EPHB1: variants seen among roughly 807,000 people sequenced by gnomAD.
EPHB1 encodes EPH receptor B1, also known as ephrin type-B receptor 1.
EPHB1 carries 30 observed loss-of-function variants against 94.4 expected under a neutral mutation model. The ratio of observed to expected loss-of-function variants is 0.32; its 90% CI spans 0.24 to 0.43. EPHB1 has a LOEUF of 0.43. Ranked by LOEUF, EPHB1 falls within the 20% of genes least tolerant of loss-of-function variation. The pLI is 1.00. For missense variants in EPHB1, 1,055 were observed against 1,308.3 expected (o/e 0.81, Z 2.99); for synonymous variants, 522 against 489.1 (o/e 1.07, Z -0.89).
chr3:135,100,486 A>G (rs1295308093), intron 3 of EPHB1, among the ~76,000 whole-genome samples: 1 of 152,178 alleles, frequency 6.6e-6, no homozygotes, highest in Non-Finnish European at 1.5e-5. Context: ...AAAAGTGGTT[A>G]TTCCCTCTTG....
intron 1 of EPHB1, among the ~76,000 whole-genome samples, chr3:134,860,062 A>G (rs2037214452): frequency 1.3e-5 from 2 of 152,040 alleles, no homozygotes; most frequent in Non-Finnish European, 2.9e-5. Flanking sequence ...TTTGATAAAC[A>G]CTGAAGATTG....
intron 3 of EPHB1, among the ~76,000 whole-genome samples, chr3:135,041,599 A>G (rs1936845646): frequency 6.6e-6 from 1 of 152,224 alleles, no homozygotes; most frequent in South Asian, 2.1e-4. Flanking sequence ...TTGAGACCCC[A>G]AATAGGATAG....
chr3:135,173,314 G>A (rs975481084), intron 9 of EPHB1, among the ~76,000 whole-genome samples: 9 of 152,174 alleles, frequency 5.9e-5, no homozygotes, highest in South Asian at 2.1e-4. Context: ...GATTACAGGC[G>A]TGAGCCACCG....
intron 1 of EPHB1, among the ~76,000 whole-genome samples, chr3:134,903,149 A>C (rs930186150): frequency 6.6e-6 from 1 of 152,220 alleles, no homozygotes; most frequent in African/African-American, 2.4e-5. Flanking sequence ...TTGATGTATT[A>C]AAAATAAATA....
chr3:135,090,792 A>G (rs1938523843), intron 3 of EPHB1, among the ~76,000 whole-genome samples: 2 of 152,216 alleles, frequency 1.3e-5, no homozygotes, highest in Non-Finnish European at 2.9e-5. Context: ...TAGGCTGAGA[A>G]TTTCAGCCTC....
At chr3:135,056,753 C>T (rs930420365) in intron 3 of EPHB1, among the ~76,000 whole-genome samples, 2 of 152,194 alleles carry the variant, frequency 1.3e-5, no homozygotes, top group African/African-American at 2.4e-5. Context: ...TTGGAGCCCT[C>T]GCAGACGAGA....
At chr3:135,251,218 C>CAAAT (rs1697229357) in intron 15 of EPHB1, among the ~76,000 whole-genome samples, 1 of 152,120 alleles carries the variant, frequency 6.6e-6, no homozygotes, top group African/African-American at 2.4e-5. Flanking sequence ...GAATGACTGT[C>CAAAT]AAATAGACAG....
At chr3:135,165,356 A>G (rs1401504711) in intron 7 of EPHB1, among the ~76,000 whole-genome samples, 3 of 152,198 alleles carry the variant, frequency 2.0e-5, no homozygotes, top group African/African-American at 4.8e-5. Context: ...GTCTGCCTCT[A>G]TGACCCGTAG....
chr3:134,865,167 C>G (rs2037348397), intron 1 of EPHB1, among the ~76,000 whole-genome samples: 1 of 152,150 alleles, frequency 6.6e-6, no homozygotes, highest in South Asian at 2.1e-4. Context: ...ATTCCCAAAA[C>G]AATGCTTACC....
At chr3:134,972,277 T>C (rs1933998986) in intron 3 of EPHB1, among the ~76,000 whole-genome samples, 1 of 151,650 alleles carries the variant, frequency 6.6e-6, no homozygotes, top group Non-Finnish European at 1.5e-5. Flanking sequence ...ATGTGGGGCT[T>C]CTTAACTGTA....
At chr3:135,096,783 A>G (rs1938786293) in intron 3 of EPHB1, among the ~76,000 whole-genome samples, 1 of 152,200 alleles carries the variant, frequency 6.6e-6, no homozygotes, top group African/African-American at 2.4e-5. Flanking sequence ...ATTACTCCAC[A>G]GAGTCCTCAC....
At chr3:135,109,049 G>C (rs1369459663) in intron 4 of EPHB1, among the ~76,000 whole-genome samples, 1 of 152,216 alleles carries the variant, frequency 6.6e-6, no homozygotes, top group Admixed American at 6.5e-5. Flanking sequence ...GGTTGCGAAG[G>C]TTATGGACTG....
intron 3 of EPHB1, among the ~76,000 whole-genome samples, chr3:135,002,256 G>A (rs962749032): frequency 3.9e-5 from 6 of 152,150 alleles, no homozygotes; most frequent in Non-Finnish European, 7.4e-5. Context: ...GGCATTTATT[G>A]ATTTGCATAT....
intron 3 of EPHB1, among the ~76,000 whole-genome samples, chr3:135,041,419 C>A (rs1313736979): frequency 6.6e-6 from 1 of 152,200 alleles, no homozygotes; most frequent in African/African-American, 2.4e-5. Flanking sequence ...AAGATACCTC[C>A]TCACATGGAG....
chr3:135,241,547 A>C (rs539134163), intron 13 of EPHB1, among the ~76,000 whole-genome samples: 90 of 152,328 alleles, frequency 5.9e-4, no homozygotes, highest in Admixed American at 1.8e-3. Flanking sequence ...AACCCAAGAG[A>C]CAATGGGCTG....
chr3:134,800,374 C>G (rs2035913211), intron 1 of EPHB1, among the ~76,000 whole-genome samples: 2 of 152,170 alleles, frequency 1.3e-5, no homozygotes, highest in South Asian at 2.1e-4. Context: ...TTCTTAGTAT[C>G]ACTAAGGCTT....
At chr3:135,073,603 A>C (rs1313035646) in intron 3 of EPHB1, among the ~76,000 whole-genome samples, 1 of 152,248 alleles carries the variant, frequency 6.6e-6, no homozygotes, top group Non-Finnish European at 1.5e-5. Context: ...AATTTATAAT[A>C]ATCTCTGAAT....
chr3:134,879,977 T>C (rs2037695259), intron 1 of EPHB1, among the ~76,000 whole-genome samples: 1 of 152,182 alleles, frequency 6.6e-6, no homozygotes, highest in Non-Finnish European at 1.5e-5. Flanking sequence ...AAAAACATTC[T>C]TTGAGAACCC....
At chr3:134,847,399 T>C (rs151021391) in intron 1 of EPHB1, among the ~76,000 whole-genome samples, 257 of 152,356 alleles carry the variant, frequency 1.7e-3, no homozygotes, top group Non-Finnish European at 2.8e-3. Flanking sequence ...AGCCTCAGTT[T>C]ACTCCTCTGT....
Sources: gnomAD v4.1 joint callset for allele counts (sites outside exome capture counted in the v4.1 genomes callset) on GRCh38, gnomAD v4.1.1 for gene constraint, MANE v1.5 for transcripts, NCBI Gene and HGNC (gene_info 2026-07-23, HGNC 2026-07-21) for gene names.